Variants in FXR2 observed in about 807,000 individuals in gnomAD.
FXR2 encodes FMR1 autosomal homolog 2, also known as RNA-binding protein FXR2.
Under a neutral mutation model 87.3 loss-of-function variants are expected in FXR2, and 9 were observed. The observed-to-expected ratio is 0.10, with a 90% CI of 0.06 to 0.18. The LOEUF (loss-of-function observed/expected upper bound fraction) is 0.18, where lower values mean the gene tolerates loss of function less well. FXR2 is among the 10% of genes least tolerant of loss of function. The pLI is 1.00. For synonymous variants in FXR2, 331 were observed against 328.3 expected (o/e 1.01, Z -0.09); for missense variants, 661 against 893.6 (o/e 0.74, Z 3.32).
chr17:7,608,595 A>C (rs1165043658), intron 1 of FXR2, among the ~76,000 whole-genome samples: 1 of 149,832 alleles, frequency 6.7e-6, no homozygotes, highest in Non-Finnish European at 1.5e-5. Context: ...TGCAGCCTGG[A>C]CAACAGGGCA....
rs1677881939 is a variant in FXR2 at position 7,595,747 on chromosome 17, T to C, written c.831+77A>G. ...ACAGGTGTGAGCCACTGTGCCCAGT[T>C]TGAGGCTTATTTTCTACTTCGGCCT... On this transcript the variant is annotated intron_variant, in intron 8 of 16. Transcript: ENST00000250113. The surrounding 1 kb of genome is among the most constrained non-coding windows in gnomAD (Gnocchi z 4.7). The C allele has an allele frequency of 2.5e-6, 3 of 1,214,084 alleles. No homozygotes were observed. Among genetic ancestry groups the C allele is most frequent in the Non-Finnish European group, 3.6e-6 (3 of 843,036 alleles). The allele number at this position is 1,214,084 out of a possible 1,614,324, so 75.2% of individuals were successfully genotyped here.
chr17:7,614,513 C>T lies in FXR2; in HGVS notation c.20G>A (p.Gly7Glu), dbSNP rs372022316. Residue 7 changes from glycine to glutamate, a missense_variant, in exon 1 of 17, where the codon GGG (glycine) becomes GAG (glutamate). Coordinates refer to ENST00000250113, the MANE Select transcript of FXR2 (RefSeq NM_004860.4). MGGLAS[G>E]GDVEPGLPVE... ...GGGCAGTCCCGGCTCCACATCCCCC[C>T]CAGAGGCCAGGCCGCCCATGGCGCC... 15 of 1,514,456 alleles carry T rather than the reference C, an allele frequency of 9.9e-6. No homozygotes were observed. In the African/African-American group the frequency reaches 1.0e-4, roughly 10 times the overall value. The allele number at this position is 1,514,456 out of a possible 1,614,324, so 93.8% of individuals were successfully genotyped here.
At chr17:7,605,796 T>C in intron 2 of FXR2, 58 bp from the exon 3 acceptor site, 1 of 1,008,066 alleles carries the variant, frequency 9.9e-7, no homozygotes. Flanking sequence ...TGCCCATTTC[T>C]TTACAAAAGG....
chr17:7,604,029 C>A lies in FXR2; in HGVS notation c.280G>T (p.Val94Leu). 6.3e-7 allele frequency: 1 copy of A among 1,590,176 alleles called. No homozygotes were observed. Among genetic ancestry groups the A allele is most frequent in the Non-Finnish European group, 8.6e-7 (1 of 1,169,230 alleles). The change falls in exon 4 of 17, where the codon GTG becomes TTG. Residue 94 changes from valine to leucine, a missense_variant. This residue lies in a region of FXR2 where 170 missense variants were observed against 247.2 expected (regional missense o/e 0.69). Coordinates refer to ENST00000250113, the MANE Select transcript of FXR2 (RefSeq NM_004860.4). ...CTCACATCTCCCTTCATCATCCGCA[C>A]CCGGGCCAGCCACCAGCCACAAGGT... ...QEPCGWWLARVRMMKGDFYVI... is the reference protein window; with the variant it reads ...QEPCGWWLARLRMMKGDFYVI...
rs771827089 is a variant in FXR2 at position 7,609,931 on chromosome 17, T to TATACATATATATACATGTATATGTATAC, written c.82-3783_82-3782insGTATACATATACATGTATATATATGTAT. On this transcript the variant is annotated intron_variant, in intron 1 of 16. Transcript: ENST00000250113. ...ATATATGTATATATACATGTATATGTATATATATACATGTATATGTATACA... is the reference window on the plus strand; with the variant it reads ...ATATATGTATATATACATGTATATGTATACATATATATACATGTATATGTATACATATATATACATGTATATGTATACA... Among the ~76,000 whole-genome samples, 6 of 86,874 alleles carry TATACATATATATACATGTATATGTATAC rather than the reference T, an allele frequency of 6.9e-5. No individual in the cohort carries two copies. In the East Asian group the frequency reaches 1.1e-3, roughly 16 times the overall value. 57.0% of individuals were successfully genotyped at this position (86,874 alleles called of 152,430 possible).
chr17:7,592,852 G>A lies in FXR2; in HGVS notation c.1571C>T (p.Thr524Met), dbSNP rs780501537. The A allele has an allele frequency of 7.5e-6, 12 of 1,607,580 alleles. No homozygotes were observed. The highest frequency in any genetic ancestry group is 4.5e-5 in the East Asian group (2 of 44,834). Residue 524 changes from threonine (T) to methionine (M), a missense_variant, in exon 14 of 17, where the codon ACG becomes ATG. This residue lies in a region of FXR2 where 409 missense variants were observed against 432.0 expected (regional missense o/e 0.95). Transcript: ENST00000250113. The surrounding 1 kb of genome is among the most constrained non-coding windows in gnomAD (Gnocchi z 4.8). ...PDSNPYSLLDTSEPEPPVDSE... is the reference protein window; with the variant it reads ...PDSNPYSLLDMSEPEPPVDSE... The stretch of plus-strand genomic sequence containing the variant: ...ATCAACCGGGGGCTCTGGTTCAGAC[G>A]TGTCCAATAGGCTGTAGGGATTACT...
intron 3 of FXR2, among the ~76,000 whole-genome samples, chr17:7,604,751 C>T (rs1397590004): frequency 2.2e-5 from 3 of 139,316 alleles, no homozygotes; most frequent in South Asian, 2.4e-4. Flanking sequence ...GACAGAGTTT[C>T]GCTCTTGGTG....
In FXR2 at chr17:7,593,914, G is replaced by A; in HGVS notation, c.1107+4C>T. 1 of 1,578,902 alleles carries A rather than the reference G, an allele frequency of 6.3e-7. No individual in the cohort carries two copies. Among genetic ancestry groups the A allele is most frequent in the Non-Finnish European group, 8.7e-7 (1 of 1,148,066 alleles). On this transcript the variant is annotated splice_donor_region_variant and intron_variant, in intron 11 of 16. Coordinates refer to ENST00000250113, the MANE Select transcript of FXR2 (RefSeq NM_004860.4). The surrounding 1 kb of genome is among the most constrained non-coding windows in gnomAD (Gnocchi z 6.1). Reference sequence around the variant, plus strand: ...CCAGCATTTTTCTCTCCCGGCCTGGGTACCTGCAGGTAGGAGAGGTGATAC... The same window carrying A: ...CCAGCATTTTTCTCTCCCGGCCTGGATACCTGCAGGTAGGAGAGGTGATAC...
intron 1 of FXR2, among the ~76,000 whole-genome samples, chr17:7,609,554 A>G (rs997879693): frequency 6.6e-6 from 1 of 151,908 alleles, no homozygotes; most frequent in Non-Finnish European, 1.5e-5. Flanking sequence ...CTCTTCATTC[A>G]GATTTTTTTC....
At chr17:7,609,955 CATAT>C (rs57676268) in intron 1 of FXR2, among the ~76,000 whole-genome samples, 31 of 86,404 alleles carry the variant, frequency 3.6e-4, no homozygotes, top group East Asian at 2.7e-3. Flanking sequence ...TATATGTATA[CATAT>C]ATATACATGT....
chr17:7,592,272 G>A lies in FXR2; in HGVS notation c.1908C>T (p.Asp636=), dbSNP rs537870955. 6.2e-7 allele frequency: 1 copy of A among 1,611,508 alleles called. No homozygotes were observed. Among genetic ancestry groups the A allele is most frequent in the Admixed American group, 1.7e-5 (1 of 60,018 alleles). The change falls in exon 16 of 17, where the codon GAC becomes GAT. Residue 636 remains aspartate (D), a synonymous_variant. Coordinates refer to ENST00000250113, the MANE Select transcript of FXR2 (RefSeq NM_004860.4). This position sits in a 1 kb window ranked among gnomAD's most constrained non-coding sequence, Gnocchi z 4.8. The stretch of plus-strand genomic sequence containing the variant: ...TGCCTACCTTCTGTCCTGAAAGAGA[G>A]TCTTCTGAGGGTTTAGTGCGTTCCA... ...PPLERTKPSE[D]SLSGQKGDSV...
In FXR2 at chr17:7,593,057, A is replaced by C; in HGVS notation, c.1455T>G (p.Thr485=). ...TRGEESRRRP[T]GGRGRGPPPA... is the part of the protein sequence containing the mutation. ...GTGGGGGTCCCCTACCCCGGCCCCC[A>C]GTCGGCCGCCTCCGGCTTTCTTCCC... The change falls in exon 13 of 17, where the codon ACT becomes ACG. Residue 485 remains threonine, a synonymous_variant. Transcript: ENST00000250113. The surrounding 1 kb of genome is among the most constrained non-coding windows in gnomAD (Gnocchi z 6.1). 1 of 1,585,604 alleles carries C rather than the reference A, an allele frequency of 6.3e-7. No homozygotes were observed. Among genetic ancestry groups the C allele is most frequent in the Non-Finnish European group, 8.6e-7 (1 of 1,168,544 alleles).
intron 5 of FXR2, 127 bp downstream of exon 5, chr17:7,603,630 A>C (rs570626229): frequency 1.1e-5 from 8 of 741,116 alleles, no homozygotes; most frequent in Non-Finnish European, 1.8e-5. Flanking sequence ...CTTAGCAAGA[A>C]GGGCTCTAGT....
chr17:7,594,579 G>A lies in FXR2; in HGVS notation c.910+100C>T. 1 of 806,126 alleles carries A rather than the reference G, an allele frequency of 1.2e-6. No individual in the cohort carries two copies. Among genetic ancestry groups the A allele is most frequent in the Admixed American group, 1.9e-5 (1 of 52,120 alleles). The allele number at this position is 806,126 out of a possible 1,614,324, so 49.9% of individuals were successfully genotyped here. On this transcript the variant is annotated intron_variant, in intron 9 of 16. Coordinates refer to ENST00000250113, the MANE Select transcript of FXR2 (RefSeq NM_004860.4). This position sits in a 1 kb window ranked among gnomAD's most constrained non-coding sequence, Gnocchi z 5.1. Reference sequence around the variant, plus strand: ...ACTGTTTCTCTGTCCTTGTGAAACTGGGAGTCCACAGGGAGGTGCCAATCC... The same window carrying A: ...ACTGTTTCTCTGTCCTTGTGAAACTAGGAGTCCACAGGGAGGTGCCAATCC...
intron 1 of FXR2, among the ~76,000 whole-genome samples, chr17:7,609,648 G>C (rs1354573374): frequency 1.3e-5 from 2 of 151,902 alleles, no homozygotes; most frequent in African/African-American, 2.4e-5. Context: ...AGTCTTCTGA[G>C]GCACTTTTAC....
chr17:7,609,032 C>T (rs1270668767), intron 1 of FXR2, among the ~76,000 whole-genome samples: 12 of 152,146 alleles, frequency 7.9e-5, no homozygotes. Flanking sequence ...TCACTTGAGC[C>T]AGGGAGGTCG....
At position 7,593,502 on chromosome 17, in the gene FXR2, T is replaced by C. The variant is rs369740772; in HGVS notation, c.1231A>G (p.Thr411Ala). The stretch of plus-strand genomic sequence containing the variant: ...AGGGAGGAGGAGGAGCTCTCATCAG[T>C]GCTATATCCAGCCTTGTCGCTGCCA... The part of the protein sequence containing the change: ...SGGSDKAGYS[T>A]DESSSSSLHA... The change falls in exon 12 of 17, where the codon ACT becomes GCT. Residue 411 changes from threonine (T) to alanine (A), a missense_variant. Coordinates refer to ENST00000250113, the MANE Select transcript of FXR2 (RefSeq NM_004860.4). This position sits in a 1 kb window ranked among gnomAD's most constrained non-coding sequence, Gnocchi z 6.1. The C allele has an allele frequency of 4.4e-6, 7 of 1,587,528 alleles. No homozygotes were observed. The African/African-American group carries it at 8.1e-5, about 18-fold the overall frequency.
intron 1 of FXR2, among the ~76,000 whole-genome samples, chr17:7,610,219 T>C (rs537246551): frequency 3.3e-5 from 5 of 152,148 alleles, no homozygotes; most frequent in African/African-American, 4.8e-5. Flanking sequence ...CCGCTGACTT[T>C]ATCCAGTTCT....
chr17:7,604,227 T>C (rs1329837133), intron 3 of FXR2, 147 bp from the exon 4 acceptor site: 2 of 649,006 alleles, frequency 3.1e-6, no homozygotes, highest in African/African-American at 3.7e-5. Context: ...TGCCCAGGAG[T>C]TCAAGACCAG....
Sources: gnomAD v4.1 joint callset for allele counts (sites outside exome capture counted in the v4.1 genomes callset) on GRCh38, gnomAD v4.1.1 for gene constraint, gnomAD v4.1.1 regional missense constraint, Gnocchi (gnomAD v3.1) non-coding constraint, MANE v1.5 for transcripts, NCBI Gene and HGNC (gene_info 2026-07-23, HGNC 2026-07-21) for gene names.